RSPO2: variants seen among roughly 807,000 people sequenced by gnomAD.
RSPO2 encodes the protein R-spondin 2, also known as R-spondin-2.
A neutral mutation model predicts 30.9 loss-of-function variants in RSPO2; 14 were observed. That is an observed-to-expected ratio of 0.45 (90% CI 0.30 to 0.71). RSPO2 has a LOEUF of 0.71. RSPO2 is among the 30% of genes least tolerant of loss of function. The pLI, the probability that RSPO2 is intolerant of heterozygous loss-of-function variation, is 0.08. For synonymous variants in RSPO2, 107 were observed against 96.4 expected, an observed-to-expected ratio of 1.11 and a Z score of -0.64; for missense variants, 264 against 301.9, an observed-to-expected ratio of 0.87 and a Z score of 0.93.
chr8:108,074,681 G>A (rs972088183), intron 2 of RSPO2, among the ~76,000 whole-genome samples: 1 of 152,100 alleles, frequency 6.6e-6, no homozygotes, highest in African/African-American at 2.4e-5. Flanking sequence ...GGGGTCAAAG[G>A]GAATTTCTTT....
chr8:108,033,049 CAAAAAA>C (rs35774922), intron 2 of RSPO2, among the ~76,000 whole-genome samples: 2 of 68,766 alleles, frequency 2.9e-5, no homozygotes, highest in African/African-American at 6.1e-5. Flanking sequence ...GACTCTGTCT[CAAAAAA>C]AAAAAAAAAA....
intron 5 of RSPO2, among the ~76,000 whole-genome samples, chr8:107,937,453 A>G (rs1427389066): frequency 1.3e-5 from 2 of 152,110 alleles, no homozygotes; most frequent in Non-Finnish European, 2.9e-5. Context: ...CATCAGTTCC[A>G]TAATCAGTCT....
intron 2 of RSPO2, among the ~76,000 whole-genome samples, chr8:108,030,614 C>T (rs921387153): frequency 6.6e-6 from 1 of 152,166 alleles, no homozygotes; most frequent in Non-Finnish European, 1.5e-5. Flanking sequence ...TTAAATACGC[C>T]TTACTCACTT....
intron 5 of RSPO2, among the ~76,000 whole-genome samples, chr8:107,944,299 A>T (rs1391168091): frequency 6.6e-6 from 1 of 152,208 alleles, no homozygotes; most frequent in Non-Finnish European, 1.5e-5. Flanking sequence ...GGGCAATTCA[A>T]GATAAAATAA....
intron 5 of RSPO2, among the ~76,000 whole-genome samples, chr8:107,956,704 C>T (rs761840903): frequency 6.6e-6 from 1 of 152,176 alleles, no homozygotes; most frequent in Admixed American, 6.5e-5. Flanking sequence ...TGGGGGACCA[C>T]ATTGCTGGAA....
intron 5 of RSPO2, among the ~76,000 whole-genome samples, chr8:107,901,699 CAT>C (rs1811472840): frequency 6.6e-6 from 1 of 152,228 alleles, no homozygotes; most frequent in African/African-American, 2.4e-5. Context: ...TATAAAATGA[CAT>C]ATGTGCAATC....
At chr8:108,045,091 C>T (rs1201758959) in intron 2 of RSPO2, among the ~76,000 whole-genome samples, 9 of 152,112 alleles carry the variant, frequency 5.9e-5, no homozygotes, top group African/African-American at 2.2e-4. Flanking sequence ...CCTAATTAAA[C>T]TAAACAGCCT....
At chr8:107,910,946 TAG>T (rs1811802210) in intron 5 of RSPO2, among the ~76,000 whole-genome samples, 2 of 152,146 alleles carry the variant, frequency 1.3e-5, no homozygotes, top group African/African-American at 4.8e-5. Flanking sequence ...GCATCCTGGT[TAG>T]AGTCTTCCCA....
At chr8:107,938,166 C>A (rs1434236014) in intron 5 of RSPO2, among the ~76,000 whole-genome samples, 1 of 152,032 alleles carries the variant, frequency 6.6e-6, no homozygotes, top group Non-Finnish European at 1.5e-5. Context: ...TGCTACATTT[C>A]TTGGTATGTT....
intron 2 of RSPO2, among the ~76,000 whole-genome samples, chr8:108,009,261 A>G (rs1426374943): frequency 1.3e-5 from 2 of 152,206 alleles, no homozygotes; most frequent in African/African-American, 2.4e-5. Context: ...GAATTTCATA[A>G]TATTACTTCT....
intron 2 of RSPO2, among the ~76,000 whole-genome samples, chr8:108,077,667 C>T: frequency 6.6e-6 from 1 of 152,048 alleles, no homozygotes; most frequent in East Asian, 1.9e-4. Flanking sequence ...TATACCTTCC[C>T]TAATATATAT....
intron 2 of RSPO2, among the ~76,000 whole-genome samples, chr8:108,024,382 A>G (rs1256444693): frequency 1.3e-5 from 2 of 152,286 alleles, no homozygotes; most frequent in East Asian, 3.9e-4. Flanking sequence ...CTAAAAAATA[A>G]TGAGGAAAAT....
intron 3 of RSPO2, among the ~76,000 whole-genome samples, chr8:107,965,808 A>C (rs1468397906): frequency 6.6e-6 from 1 of 152,322 alleles, no homozygotes; most frequent in East Asian, 1.9e-4. Context: ...TGTATTTCTA[A>C]TATTAAAAAG....
intron 3 of RSPO2, among the ~76,000 whole-genome samples, chr8:107,988,662 G>C (rs1814735028): frequency 6.6e-6 from 1 of 151,744 alleles, no homozygotes; most frequent in African/African-American, 2.4e-5. Flanking sequence ...ACATCTCACT[G>C]TGTTGCCCAG....
intron 2 of RSPO2, among the ~76,000 whole-genome samples, chr8:108,068,327 C>T (rs542898920): frequency 6.6e-6 from 1 of 152,278 alleles, no homozygotes; most frequent in African/African-American, 2.4e-5. Context: ...CCATGGTATG[C>T]ACAAGTCCAG....
At chr8:108,007,202 T>G (rs1815479224) in intron 2 of RSPO2, among the ~76,000 whole-genome samples, 1 of 152,192 alleles carries the variant, frequency 6.6e-6, no homozygotes, top group African/African-American at 2.4e-5. Context: ...ATTTTTTGCC[T>G]CTGTTGACAC....
chr8:107,991,503 A>G lies in RSPO2; in HGVS notation c.95-2259T>C, dbSNP rs530939052. Among the ~76,000 whole-genome samples, 94 of 152,324 alleles carry G rather than the reference A, an allele frequency of 6.2e-4. 1 individual carries two copies. In the South Asian group the frequency reaches 9.9e-3, roughly 16 times the overall value. ...GGACATAGGCACAGGCAAAGATTTCATGATAAAGATGCCAAAAGCAATTGC... is the reference window on the plus strand; with the variant it reads ...GGACATAGGCACAGGCAAAGATTTCGTGATAAAGATGCCAAAAGCAATTGC... On this transcript the variant is annotated intron_variant, in intron 2 of 5. Transcript: ENST00000276659.
At chr8:108,001,289 C>A (rs1815240708) in intron 2 of RSPO2, among the ~76,000 whole-genome samples, 1 of 152,150 alleles carries the variant, frequency 6.6e-6, no homozygotes, top group Admixed American at 6.5e-5. Flanking sequence ...AAGTAGTTAT[C>A]TATAGGCCCC....
intron 5 of RSPO2, among the ~76,000 whole-genome samples, chr8:107,951,056 G>A (rs536713588): frequency 7.2e-6 from 1 of 139,038 alleles, no homozygotes; most frequent in Non-Finnish European, 1.6e-5. Flanking sequence ...TTTTTTTGTT[G>A]TTGTTGTTGT....
Sources: allele counts gnomAD v4.1 joint callset (sites outside exome capture counted in the v4.1 genomes callset), GRCh38; gene constraint gnomAD v4.1.1; transcripts MANE v1.5; gene names NCBI Gene and HGNC (gene_info 2026-07-23, HGNC 2026-07-21).